The following EMSY variants were observed in gnomAD, a reference collection of about 807,000 sequenced individuals.
EMSY encodes the protein BRCA2-interacting transcriptional repressor EMSY.
In EMSY, 26 loss-of-function variants were observed where a neutral mutation model predicts 134.6. That is an observed-to-expected ratio of 0.19 (90% CI 0.14 to 0.27). The LOEUF is 0.27. Ranked by LOEUF, EMSY falls within the 10% of genes least tolerant of loss-of-function variation. EMSY has a pLI of 1.00. For missense variants in EMSY, 1,305 were observed against 1,611.4 expected (o/e 0.81, Z 3.26); for synonymous variants, 579 against 577.8 (o/e 1.00, Z -0.03).
exon 15 of EMSY, chr11:76,535,991 A>T: frequency 6.2e-7 from 1 of 1,605,230 alleles, no homozygotes; most frequent in Non-Finnish European, 8.5e-7. Context: ...ATTTATCAGG[A>T]TGTATCCAGT....
At chr11:76,519,315 T>C (rs952015282) in intron 11 of EMSY, among the ~76,000 whole-genome samples, 2 of 152,188 alleles carry the variant, frequency 1.3e-5, no homozygotes, top group African/African-American at 4.8e-5. Flanking sequence ...TCCACCTGCC[T>C]TGGGCTCCCA....
intron 1 of EMSY, among the ~76,000 whole-genome samples, chr11:76,445,402 C>T (rs1947336025): frequency 6.6e-6 from 1 of 152,154 alleles, no homozygotes; most frequent in African/African-American, 2.4e-5. Context: ...GTCCTCTCCG[C>T]TGGGGAGGGA....
chr11:76,538,866 G>A (rs545409832), intron 16 of EMSY, among the ~76,000 whole-genome samples: 3 of 152,198 alleles, frequency 2.0e-5, no homozygotes, highest in South Asian at 2.1e-4. Context: ...GCTGAGTCAC[G>A]AGAATCCCTT....
intron 6 of EMSY, among the ~76,000 whole-genome samples, chr11:76,463,285 T>G (rs1427262930): frequency 6.7e-6 from 1 of 149,358 alleles, no homozygotes; most frequent in Admixed American, 6.7e-5. Flanking sequence ...ATCACACCAC[T>G]GCACTCCAGC....
chr11:76,523,998 C>T (rs535023309), intron 12 of EMSY, among the ~76,000 whole-genome samples: 1 of 152,078 alleles, frequency 6.6e-6, no homozygotes, highest in East Asian at 1.9e-4. Context: ...TGCTATGAGC[C>T]ATGATCATGC....
chr11:76,515,647 G>C (rs1950426584), intron 10 of EMSY, among the ~76,000 whole-genome samples: 1 of 152,064 alleles, frequency 6.6e-6, no homozygotes. Flanking sequence ...ATATTTAGAG[G>C]GTAGCAGAGT....
intron 11 of EMSY, among the ~76,000 whole-genome samples, chr11:76,517,147 A>G (rs1950476485): frequency 6.6e-6 from 1 of 152,186 alleles, no homozygotes; most frequent in Admixed American, 6.5e-5. Context: ...GAGTTGTTCT[A>G]ACATTTTAAA....
At chr11:76,525,859 T>C in intron 12 of EMSY, among the ~76,000 whole-genome samples, 1 of 152,236 alleles carries the variant, frequency 6.6e-6, no homozygotes, top group East Asian at 1.9e-4. Context: ...CATCAAATTT[T>C]TCCTATATAT....
intron 8 of EMSY, among the ~76,000 whole-genome samples, chr11:76,475,694 T>A (rs1028913332): frequency 3.3e-5 from 5 of 152,246 alleles, no homozygotes; most frequent in Non-Finnish European, 5.9e-5. Flanking sequence ...TTATTTTTTT[T>A]AAACAAGGTA....
At chr11:76,457,409 C>A (rs1590786476) in intron 4 of EMSY, among the ~76,000 whole-genome samples, 1 of 152,152 alleles carries the variant, frequency 6.6e-6, no homozygotes, top group Non-Finnish European at 1.5e-5. Context: ...GATATTTCAA[C>A]CTCTGGTTGG....
intron 14 of EMSY, among the ~76,000 whole-genome samples, chr11:76,529,224 C>T (rs1415708246): frequency 6.6e-6 from 1 of 152,134 alleles, no homozygotes; most frequent in Non-Finnish European, 1.5e-5. Flanking sequence ...TATGTCTGTG[C>T]TTATGTGCTC....
intron 16 of EMSY, 133 bp from the exon 18 acceptor site, chr11:76,539,466 A>G: frequency 1.2e-6 from 1 of 830,036 alleles, no homozygotes; most frequent in Non-Finnish European, 1.9e-6. Context: ...TTCTTTAGAG[A>G]TATTTAGCAG....
intron 12 of EMSY, among the ~76,000 whole-genome samples, chr11:76,524,295 A>T (rs1193148608): frequency 6.6e-6 from 1 of 152,202 alleles, no homozygotes; most frequent in African/African-American, 2.4e-5. Flanking sequence ...TGCCTGGCCC[A>T]TAAGAAGTCC....
intron 8 of EMSY, among the ~76,000 whole-genome samples, chr11:76,483,942 A>G (rs1489313546): frequency 6.6e-6 from 1 of 152,214 alleles, no homozygotes; most frequent in Non-Finnish European, 1.5e-5. Context: ...TCAACAGAAT[A>G]TACATTCTTC....
chr11:76,480,602 T>A (rs968229415), intron 8 of EMSY, among the ~76,000 whole-genome samples: 7 of 152,282 alleles, frequency 4.6e-5, no homozygotes, highest in Non-Finnish European at 1.0e-4. Flanking sequence ...AATATAAAAA[T>A]GCTTTCTTGG....
intron 9 of EMSY, among the ~76,000 whole-genome samples, chr11:76,497,407 G>A (rs11236766): frequency 0.13 from 20,356 of 152,012 alleles, 1,756 homozygotes; most frequent in East Asian, 0.28. Flanking sequence ...CTATTTTTTG[G>A]AAAAGACTAT....
intron 7 of EMSY, among the ~76,000 whole-genome samples, chr11:76,469,225 C>G (rs928553428): frequency 6.6e-6 from 1 of 152,160 alleles, no homozygotes; most frequent in African/African-American, 2.4e-5. Flanking sequence ...GTGAATGCTT[C>G]CCTTGCCCTT....
intron 9 of EMSY, chr11:76,497,339 AT>A (rs1188528546): frequency 6.6e-6 from 1 of 152,190 alleles, no homozygotes; most frequent in Non-Finnish European, 1.5e-5. Flanking sequence ...CCTTTGTCCA[AT>A]TTTGGTCAGG....
At chr11:76,453,548 T>A in intron 4 of EMSY, 160 bp downstream of exon 4, 1 of 572,748 alleles carries the variant, frequency 1.7e-6, no homozygotes, top group Non-Finnish European at 2.7e-6. Context: ...ATTAACTGTT[T>A]ATTCAGTTGG....
Sources: allele counts gnomAD v4.1 joint callset (sites outside exome capture counted in the v4.1 genomes callset), GRCh38; gene constraint gnomAD v4.1.1; transcripts MANE v1.5; gene names NCBI Gene and HGNC (gene_info 2026-07-23, HGNC 2026-07-21).